NRXN3: variants seen among roughly 807,000 people sequenced by gnomAD.
NRXN3 encodes neurexin 3.
NRXN3 carries 32 observed loss-of-function variants against 137.6 expected under a neutral mutation model. That is an observed-to-expected ratio of 0.23 (90% CI 0.18 to 0.31). The LOEUF (loss-of-function observed/expected upper bound fraction) is 0.31, where lower values mean the gene tolerates loss of function less well. NRXN3 is among the 10% of genes least tolerant of loss of function. The pLI, the probability that NRXN3 is intolerant of heterozygous loss-of-function variation, is 1.00. For missense variants in NRXN3, 1,574 were observed against 2,062.5 expected (o/e 0.76, Z 4.59); for synonymous variants, 798 against 784.5 (o/e 1.02, Z -0.29).
At chr14:79,726,687 T>C (rs1216904827) in intron 19 of NRXN3, among the ~76,000 whole-genome samples, 1 of 152,138 alleles carries the variant, frequency 6.6e-6, no homozygotes. Flanking sequence ...GTTTACAGAT[T>C]AGGAAAGCAA....
intron 6 of NRXN3, among the ~76,000 whole-genome samples, chr14:78,656,047 T>C (rs1370306783): frequency 6.6e-6 from 1 of 152,136 alleles, no homozygotes; most frequent in Non-Finnish European, 1.5e-5. Flanking sequence ...CCTAAAACTG[T>C]CACATTGTGG....
At chr14:79,534,176 T>C (rs1431460347) in intron 16 of NRXN3, among the ~76,000 whole-genome samples, 2 of 152,180 alleles carry the variant, frequency 1.3e-5, no homozygotes, top group Non-Finnish European at 2.9e-5. Flanking sequence ...CTTTGAATCT[T>C]GGAGAAGACC....
intron 15 of NRXN3, among the ~76,000 whole-genome samples, chr14:79,447,239 C>T (rs2096075962): frequency 1.3e-5 from 2 of 152,082 alleles, no homozygotes; most frequent in South Asian, 2.1e-4. Context: ...GCTGCTATTT[C>T]AGTAGTCAAA....
intron 20 of NRXN3, among the ~76,000 whole-genome samples, chr14:79,810,820 T>C (rs1329660400): frequency 6.6e-6 from 1 of 152,210 alleles, no homozygotes; most frequent in East Asian, 1.9e-4. Flanking sequence ...AAAATGCAGC[T>C]GAAATGTTAA....
At chr14:79,291,793 G>T (rs2083252258) in intron 15 of NRXN3, among the ~76,000 whole-genome samples, 1 of 151,394 alleles carries the variant, frequency 6.6e-6, no homozygotes, top group African/African-American at 2.4e-5. Flanking sequence ...CTGAATGGTG[G>T]GAAAAAATTT....
chr14:79,385,267 A>T (rs969763247), intron 15 of NRXN3, among the ~76,000 whole-genome samples: 2 of 128,342 alleles, frequency 1.6e-5, no homozygotes, highest in Non-Finnish European at 3.2e-5. Flanking sequence ...TGTCCATGTG[A>T]TCTCATTGTT....
chr14:79,513,017 A>G (rs1234148165), intron 16 of NRXN3, among the ~76,000 whole-genome samples: 2 of 152,242 alleles, frequency 1.3e-5, no homozygotes, highest in East Asian at 3.8e-4. Flanking sequence ...TAGATTATTA[A>G]CATGGAATGA....
intron 15 of NRXN3, among the ~76,000 whole-genome samples, chr14:79,023,626 C>G (rs1008361919): frequency 3.9e-5 from 6 of 152,150 alleles, no homozygotes; most frequent in South Asian, 2.1e-4. Flanking sequence ...GGGAAAGCCT[C>G]AGGAAACTTA....
intron 1 of NRXN3, among the ~76,000 whole-genome samples, chr14:78,179,824 G>GTTTCTGTTTTTTTGTTTTTTTTTTT (rs1566912649): frequency 7.9e-5 from 1 of 12,622 alleles, no homozygotes; most frequent in Non-Finnish European, 2.2e-4. Flanking sequence ...TTTTTTTTTT[G>GTTTCTGTTTTTTTGTTTTTTTTTTT]TTTGTTTCTG....
At chr14:79,626,032 G>A (rs1424739521) in intron 16 of NRXN3, among the ~76,000 whole-genome samples, 1 of 152,160 alleles carries the variant, frequency 6.6e-6, no homozygotes, top group African/African-American at 2.4e-5. Flanking sequence ...GGTATAAACA[G>A]TTTAATTACT....
At chr14:79,016,634 C>A (rs9652298) in intron 15 of NRXN3, among the ~76,000 whole-genome samples, 134,292 of 152,216 alleles carry the variant, frequency 0.88, 61,301 homozygotes, top group Non-Finnish European at 1. Context: ...GAAGAGATTC[C>A]AGATGCTACA....
At chr14:78,573,192 C>T (rs2096905946) in intron 4 of NRXN3, among the ~76,000 whole-genome samples, 1 of 152,154 alleles carries the variant, frequency 6.6e-6, no homozygotes. Context: ...GCCAGTTGAA[C>T]CACTTTTCTT....
intron 15 of NRXN3, among the ~76,000 whole-genome samples, chr14:79,348,507 C>T (rs756828653): frequency 2.0e-5 from 3 of 151,840 alleles, no homozygotes; most frequent in Non-Finnish European, 4.4e-5. Flanking sequence ...TCCTGAGTAG[C>T]TGGGACTACA....
chr14:79,465,528 T>G (rs2096409901), intron 15 of NRXN3, among the ~76,000 whole-genome samples: 1 of 152,220 alleles, frequency 6.6e-6, no homozygotes, highest in African/African-American at 2.4e-5. Context: ...TTAATGAGTC[T>G]TAGTGCTTTA....
chr14:78,581,213 G>T lies in NRXN3; in HGVS notation c.758-63907G>T, dbSNP rs147296687. 2.4e-3 allele frequency among the ~76,000 whole-genome samples: 360 copies of T among 152,288 alleles called. 1 individual carries two copies. Among genetic ancestry groups the T allele is most frequent in the African/African-American group, 8.1e-3 (336 of 41,562 alleles). ...TAACTTGTTGTAACTAGCTTGTCTT[G>T]CTCTTAACTTCTTATCTCAGTCCAT... On this transcript the variant is annotated intron_variant, in intron 4 of 20. Transcript: ENST00000335750.
Position 79,123,438 on chromosome 14 carries a change from A to G in NRXN3, c.3262+135297A>G, listed in dbSNP as rs2055839301. Among the ~76,000 whole-genome samples, 6 of 152,290 alleles carry G rather than the reference A, an allele frequency of 3.9e-5. No individual in the cohort carries two copies. In the South Asian group the frequency reaches 1.2e-3, roughly 32 times the overall value. The stretch of plus-strand genomic sequence containing the variant: ...AAAACATCCATATAATAGCACTATA[A>G]TTCATCCAGTTATTCATTCCTTCCC... On this transcript the variant is annotated intron_variant, in intron 15 of 20. Transcript: ENST00000335750.
chr14:79,433,657 C>T (rs538962041), intron 15 of NRXN3, among the ~76,000 whole-genome samples: 1 of 152,148 alleles, frequency 6.6e-6, no homozygotes, highest in East Asian at 1.9e-4. Flanking sequence ...ATTTTGGTAC[C>T]AGGAAGTGAG....
At chr14:79,059,068 GTC>G (rs1373795193) in intron 15 of NRXN3, among the ~76,000 whole-genome samples, 1 of 152,024 alleles carries the variant, frequency 6.6e-6, no homozygotes, top group African/African-American at 2.4e-5. Context: ...GTATATACCT[GTC>G]TCTCTCAGGA....
intron 4 of NRXN3, among the ~76,000 whole-genome samples, chr14:78,542,475 G>A (rs998601930): frequency 6.6e-6 from 1 of 152,228 alleles, no homozygotes; most frequent in Non-Finnish European, 1.5e-5. Flanking sequence ...AAGGCTCTGT[G>A]GGTGTGTGAC....
Sources: gnomAD v4.1 joint callset for allele counts (sites outside exome capture counted in the v4.1 genomes callset) on GRCh38, gnomAD v4.1.1 for gene constraint, MANE v1.5 for transcripts, NCBI Gene and HGNC (gene_info 2026-07-23, HGNC 2026-07-21) for gene names.